ERBB4: variants seen among roughly 807,000 people sequenced by gnomAD.
ERBB4 encodes erb-b2 receptor tyrosine kinase 4, also known as receptor tyrosine-protein kinase erbB-4.
Under a neutral mutation model 158.0 loss-of-function variants are expected in ERBB4, and 42 were observed. That is an observed-to-expected ratio of 0.27 (90% CI 0.21 to 0.34). The LOEUF is 0.34. Ranked by LOEUF, ERBB4 falls within the 10% of genes least tolerant of loss-of-function variation. The pLI, the probability that ERBB4 is intolerant of heterozygous loss-of-function variation, is 1.00. For synonymous variants in ERBB4, 583 were observed against 558.7 expected (o/e 1.04, Z -0.61); for missense variants, 1,333 against 1,624.1 (o/e 0.82, Z 3.08).
At chr2:211,627,554 T>G (rs2069909031) in intron 17 of ERBB4, among the ~76,000 whole-genome samples, 1 of 152,250 alleles carries the variant, frequency 6.6e-6, no homozygotes, top group Admixed American at 6.5e-5. Context: ...ATTTGATTTC[T>G]GGGTAAAAAG....
At chr2:211,659,639 A>G (rs577253965) in intron 15 of ERBB4, among the ~76,000 whole-genome samples, 1 of 152,330 alleles carries the variant, frequency 6.6e-6, no homozygotes, top group East Asian at 1.9e-4. Flanking sequence ...ATTAAAAAAA[A>G]TTCAAAACTA....
chr2:212,484,466 T>C (rs893226637), intron 1 of ERBB4, among the ~76,000 whole-genome samples: 1 of 152,252 alleles, frequency 6.6e-6, no homozygotes, highest in Non-Finnish European at 1.5e-5. Context: ...AGGTTACTCT[T>C]TAAATGAAAG....
chr2:212,448,818 T>C (rs1185073420), intron 1 of ERBB4, among the ~76,000 whole-genome samples: 1 of 152,088 alleles, frequency 6.6e-6, no homozygotes, highest in Non-Finnish European at 1.5e-5. Flanking sequence ...ATCCCAGAAA[T>C]TTGTCTTTAT....
intron 2 of ERBB4, among the ~76,000 whole-genome samples, chr2:211,999,179 A>T (rs1338069366): frequency 6.6e-6 from 1 of 151,866 alleles, no homozygotes; most frequent in Non-Finnish European, 1.5e-5. Flanking sequence ...TTCCCAAATT[A>T]GTCTTCCCAA....
At chr2:212,066,385 T>G (rs2125435871) in intron 2 of ERBB4, among the ~76,000 whole-genome samples, 1 of 152,082 alleles carries the variant, frequency 6.6e-6, no homozygotes, top group South Asian at 2.1e-4. Context: ...CTGACCTCAG[T>G]CAAACTTTTG....
intron 4 of ERBB4, chr2:211,777,908 G>C (rs1025806720): frequency 2.6e-5 from 4 of 152,192 alleles, no homozygotes; most frequent in Non-Finnish European, 5.9e-5. Flanking sequence ...CCCTTAGTAA[G>C]TAAATGACAC....
chr2:212,436,395 A>G (rs2092138219), intron 1 of ERBB4, among the ~76,000 whole-genome samples: 1 of 152,066 alleles, frequency 6.6e-6, no homozygotes, highest in Non-Finnish European at 1.5e-5. Flanking sequence ...TCCACCAAAT[A>G]TGATAAGAAA....
chr2:211,387,253 T>C (rs1417275883), intron 26 of ERBB4, 103 bp from the exon 27 acceptor site: 5 of 991,102 alleles, frequency 5.0e-6, no homozygotes, highest in East Asian at 2.4e-5. Flanking sequence ...TTTCAGAGAA[T>C]AGTCATAGTA....
At chr2:211,534,930 ACATTT>A (rs1393868456) in intron 20 of ERBB4, among the ~76,000 whole-genome samples, 1 of 152,086 alleles carries the variant, frequency 6.6e-6, no homozygotes, top group African/African-American at 2.4e-5. Flanking sequence ...GTTCTCACTC[ACATTT>A]CATTTAACAG....
chr2:211,926,541 T>A (rs2080025707), intron 3 of ERBB4, among the ~76,000 whole-genome samples: 1 of 152,130 alleles, frequency 6.6e-6, no homozygotes, highest in Non-Finnish European at 1.5e-5. Context: ...TCCATAAAAA[T>A]TCTTTTCCTA....
chr2:211,634,937 G>T (rs574271143), intron 16 of ERBB4, among the ~76,000 whole-genome samples: 4 of 152,150 alleles, frequency 2.6e-5, no homozygotes, highest in Admixed American at 6.5e-5. Context: ...CTCCAAAAGT[G>T]CTGGGATTAC....
chr2:212,240,666 A>AAAAAAAAAAAAAAAC (rs2084065587), intron 1 of ERBB4, among the ~76,000 whole-genome samples: 2 of 144,968 alleles, frequency 1.4e-5, no homozygotes, highest in Admixed American at 6.9e-5. Context: ...AAAAAAAAAA[A>AAAAAAAAAAAAAAAC]ACAGAAAAAA....
At chr2:212,045,930 T>A (rs746621866) in intron 2 of ERBB4, among the ~76,000 whole-genome samples, 5 of 152,180 alleles carry the variant, frequency 3.3e-5, no homozygotes, top group Non-Finnish European at 7.3e-5. Context: ...AGGACAGAGA[T>A]GTCAAACCCT....
chr2:211,632,432 C>T (rs1168750754), intron 16 of ERBB4, among the ~76,000 whole-genome samples: 1 of 151,960 alleles, frequency 6.6e-6, no homozygotes, highest in Non-Finnish European at 1.5e-5. Context: ...TTTTTTATCG[C>T]AAAATATTTA....
intron 2 of ERBB4, among the ~76,000 whole-genome samples, chr2:212,025,952 G>A (rs551761519): frequency 6.6e-6 from 1 of 151,708 alleles, no homozygotes; most frequent in African/African-American, 2.4e-5. Context: ...AGCTTAACCT[G>A]TTCTCTTGTT....
At chr2:212,094,576 A>AT (rs1286732200) in intron 2 of ERBB4, among the ~76,000 whole-genome samples, 1 of 150,288 alleles carries the variant, frequency 6.7e-6, no homozygotes, top group African/African-American at 2.5e-5. Flanking sequence ...TAAAAAAATA[A>AT]AAAAAAAAAG....
intron 1 of ERBB4, among the ~76,000 whole-genome samples, chr2:212,416,202 G>A (rs933978438): frequency 6.6e-6 from 1 of 152,126 alleles, no homozygotes; most frequent in Non-Finnish European, 1.5e-5. Context: ...CCCTCCAAAT[G>A]AGTCCACCCA....
At chr2:211,889,273 C>T (rs1283047848) in intron 3 of ERBB4, among the ~76,000 whole-genome samples, 1 of 143,994 alleles carries the variant, frequency 6.9e-6, no homozygotes, top group Non-Finnish European at 1.5e-5. Context: ...TGGGAGGCAC[C>T]CCCCAGCCGG....
chr2:211,541,669 G>C (rs1397175156), intron 20 of ERBB4, among the ~76,000 whole-genome samples: 1 of 151,950 alleles, frequency 6.6e-6, no homozygotes, highest in Non-Finnish European at 1.5e-5. Flanking sequence ...GAAGCTTATA[G>C]CTGTTGCAAT....
Sources: gnomAD v4.1 joint callset for allele counts (sites outside exome capture counted in the v4.1 genomes callset) on GRCh38, gnomAD v4.1.1 for gene constraint, MANE v1.5 for transcripts, NCBI Gene and HGNC (gene_info 2026-07-23, HGNC 2026-07-21) for gene names.